The following GSE1 variants were observed in gnomAD, a reference collection of about 807,000 sequenced individuals.
The protein encoded by GSE1 is Gse1 coiled-coil protein.
GSE1 carries 32 observed loss-of-function variants against 112.6 expected under a neutral mutation model. That is an observed-to-expected ratio of 0.28 (90% CI 0.21 to 0.38). The LOEUF is 0.38. Ranked by LOEUF, GSE1 falls within the 10% of genes least tolerant of loss-of-function variation. The pLI, the probability that GSE1 is intolerant of heterozygous loss-of-function variation, is 1.00. For synonymous variants in GSE1, 1,115 were observed against 735.6 expected (o/e 1.52, Z -8.35); for missense variants, 2,348 against 1,699.2 (o/e 1.38, Z -6.71).
intron 2 of GSE1, among the ~76,000 whole-genome samples, chr16:85,645,478 A>G (rs2050777316): frequency 6.6e-6 from 1 of 152,146 alleles, no homozygotes; most frequent in Non-Finnish European, 1.5e-5. Context: ...GCAGGAAGCA[A>G]CGGACTTGCC....
chr16:85,318,505 T>TA (rs1365861324), intron 1 of GSE1, among the ~76,000 whole-genome samples: 1 of 152,206 alleles, frequency 6.6e-6, no homozygotes, highest in African/African-American at 2.4e-5. Flanking sequence ...GATCAAATGA[T>TA]ATTCCCTCCT....
At chr16:85,539,762 C>T (rs2044457216) in intron 2 of GSE1, among the ~76,000 whole-genome samples, 2 of 152,208 alleles carry the variant, frequency 1.3e-5, no homozygotes, top group Non-Finnish European at 2.9e-5. Context: ...TCACCAGGCT[C>T]ACCCAGAACA....
intron 2 of GSE1, among the ~76,000 whole-genome samples, chr16:85,540,631 G>A (rs2044485386): frequency 6.6e-6 from 1 of 152,224 alleles, no homozygotes; most frequent in Admixed American, 6.5e-5. Context: ...TTTGGTGCTG[G>A]AGGTACCCAG....
chr16:85,545,595 T>C (rs2044668162), intron 2 of GSE1, among the ~76,000 whole-genome samples: 1 of 152,192 alleles, frequency 6.6e-6, no homozygotes. Context: ...ACTTCACTTT[T>C]CTAGGGCTTT....
chr16:85,555,681 C>G (rs917780059), upstream of GSE1: 3 of 935,704 alleles, frequency 3.2e-6, no homozygotes, highest in Non-Finnish European at 2.5e-6. Flanking sequence ...CGCCGCCCCC[C>G]CCTTCCTTTT....
intron 1 of GSE1, among the ~76,000 whole-genome samples, chr16:85,282,035 T>C (rs1163383959): frequency 1.3e-5 from 2 of 151,572 alleles, no homozygotes; most frequent in Non-Finnish European, 2.9e-5. Context: ...TCTTTTCTTT[T>C]TTTTTTTTTT....
intron 1 of GSE1, among the ~76,000 whole-genome samples, chr16:85,245,872 CGTGTGCGTGTGTGT>C (rs1201355406): frequency 2.0e-5 from 3 of 151,588 alleles, no homozygotes; most frequent in East Asian, 2.0e-4. Flanking sequence ...CTGCCTCCTG[CGTGTGCGTGTGTGT>C]GTGTGCGTGT....
At chr16:85,645,378 C>T (rs557527224) in intron 2 of GSE1, among the ~76,000 whole-genome samples, 10 of 152,150 alleles carry the variant, frequency 6.6e-5, no homozygotes, top group Admixed American at 2.0e-4. Flanking sequence ...TCTGGCTAGA[C>T]GGAGTGTCTG....
rs554347947 is a variant in GSE1, at chr16:85,287,622, G to A, written c.2284-69841G>A. Among the ~76,000 whole-genome samples the A allele has an allele frequency of 8.6e-5, 13 of 151,956 alleles. No individual in the cohort carries two copies. In the East Asian group the frequency reaches 1.6e-3, roughly 18 times the overall value. On this transcript the variant is annotated intron_variant, in intron 1 of 2. Transcript: ENST00000637419. ...ACACGGCTCCTCCCTCGCTTCCTTC[G>A]GCCTTTCCATATTGGTCACTTTCTC...
chr16:85,294,124 G>A (rs1169180182), intron 1 of GSE1, among the ~76,000 whole-genome samples: 1 of 152,216 alleles, frequency 6.6e-6, no homozygotes, highest in African/African-American at 2.4e-5. Flanking sequence ...AGCCAAGCCA[G>A]GTGGCCTGTT....
chr16:85,635,285 T>C (rs2049896001), intron 2 of GSE1, among the ~76,000 whole-genome samples: 1 of 152,076 alleles, frequency 6.6e-6, no homozygotes, highest in Non-Finnish European at 1.5e-5. Flanking sequence ...GGGTCTGGTT[T>C]CCGTACCACC....
intron 1 of GSE1, among the ~76,000 whole-genome samples, chr16:85,314,646 C>T (rs1024714166): frequency 1.3e-5 from 2 of 152,222 alleles, no homozygotes; most frequent in Non-Finnish European, 2.9e-5. Context: ...ACACCTGCTC[C>T]CCTGGCAGGC....
At chr16:85,313,895 T>G (rs763661875) in intron 1 of GSE1, among the ~76,000 whole-genome samples, 2 of 151,714 alleles carry the variant, frequency 1.3e-5, no homozygotes, top group Non-Finnish European at 2.9e-5. Flanking sequence ...TGGGGTGATG[T>G]GCTACAGCAC....
intron 1 of GSE1, 37 bp from the exon 2 acceptor site, chr16:85,633,877 C>T (rs1220217931): frequency 1.3e-6 from 2 of 1,554,460 alleles, no homozygotes; most frequent in Non-Finnish European, 1.8e-6. Flanking sequence ...CGCTCCTGCT[C>T]TCTGGGTGAC....
At chr16:85,471,659 C>T (rs2050299879) in intron 2 of GSE1, among the ~76,000 whole-genome samples, 1 of 152,136 alleles carries the variant, frequency 6.6e-6, no homozygotes, top group African/African-American at 2.4e-5. Flanking sequence ...AGCAATCTGC[C>T]CTACCAAAGT....
At chr16:85,333,811 C>T (rs931887727) in intron 1 of GSE1, among the ~76,000 whole-genome samples, 15 of 152,120 alleles carry the variant, frequency 9.9e-5, no homozygotes, top group African/African-American at 3.4e-4. Flanking sequence ...CCTCAGGGGG[C>T]CCCAAGCTGC....
At chr16:85,308,897 C>G (rs1022520063) in intron 1 of GSE1, among the ~76,000 whole-genome samples, 2 of 147,226 alleles carry the variant, frequency 1.4e-5, no homozygotes, top group African/African-American at 5.1e-5. Flanking sequence ...GATGACGTGA[C>G]AGCGACAAGC....
intron 2 of GSE1, among the ~76,000 whole-genome samples, chr16:85,483,120 G>C (rs2050733128): frequency 1.3e-5 from 2 of 152,230 alleles, no homozygotes; most frequent in South Asian, 4.1e-4. Flanking sequence ...CTCTGGCTAT[G>C]TGGATCAGGT....
intron 2 of GSE1, among the ~76,000 whole-genome samples, chr16:85,398,827 A>G (rs906343568): frequency 6.6e-6 from 1 of 152,108 alleles, no homozygotes; most frequent in Non-Finnish European, 1.5e-5. Context: ...GTGTGGGTGC[A>G]TGTGTACACG....
Sources: gnomAD v4.1 joint callset for allele counts (sites outside exome capture counted in the v4.1 genomes callset) on GRCh38, gnomAD v4.1.1 for gene constraint, MANE v1.5 for transcripts, NCBI Gene and HGNC (gene_info 2026-07-23, HGNC 2026-07-21) for gene names.